Variants in TASP1 observed in about 807,000 individuals in gnomAD.
The protein encoded by TASP1 is threonine aspartase 1.
Under a neutral mutation model 56.6 loss-of-function variants are expected in TASP1, and 16 were observed. The observed-to-expected ratio is 0.28, with a 90% CI of 0.19 to 0.43. The LOEUF (loss-of-function observed/expected upper bound fraction) is 0.43, where lower values mean the gene tolerates loss of function less well. TASP1 is among the 20% of genes least tolerant of loss of function. The pLI is 1.00. For missense variants in TASP1, 393 were observed against 511.6 expected (o/e 0.77, Z 2.24); for synonymous variants, 179 against 184.2 (o/e 0.97, Z 0.23).
the TASP1 span, among the ~76,000 whole-genome samples, chr20:13,226,891 G>T: frequency 6.6e-6 from 1 of 152,158 alleles, no homozygotes; most frequent in Admixed American, 6.5e-5. Context: ...CTTGATGGGA[G>T]GAGCAGCAAA....
the TASP1 span, among the ~76,000 whole-genome samples, chr20:13,183,028 C>T: frequency 6.6e-6 from 1 of 152,198 alleles, no homozygotes; most frequent in Non-Finnish European, 1.5e-5. Context: ...GTTTATTTCT[C>T]CATCCTTTGA....
chr20:13,270,847 C>A, the TASP1 span: 17 of 1,057,460 alleles, frequency 1.6e-5, no homozygotes, highest in Non-Finnish European at 2.2e-5. Flanking sequence ...TTCTTCTTAA[C>A]CCCTTAATGA....
the TASP1 span, among the ~76,000 whole-genome samples, chr20:13,261,488 C>A: frequency 6.6e-6 from 1 of 151,578 alleles, no homozygotes; most frequent in African/African-American, 2.4e-5. Flanking sequence ...AGGCGTGGAT[C>A]TTTAGAGAAA....
chr20:13,234,519 G>A, the TASP1 span, among the ~76,000 whole-genome samples: 1 of 152,152 alleles, frequency 6.6e-6, no homozygotes, highest in Non-Finnish European at 1.5e-5. Flanking sequence ...GGTACTTTGA[G>A]AAATCTCCAT....
the TASP1 span, among the ~76,000 whole-genome samples, chr20:13,223,704 A>C: frequency 1.7e-4 from 26 of 152,212 alleles, no homozygotes; most frequent in African/African-American, 6.0e-4. Context: ...TGACAGACTG[A>C]GGGAATTTCT....
chr20:13,217,323 C>G, the TASP1 span, among the ~76,000 whole-genome samples: 1 of 152,118 alleles, frequency 6.6e-6, no homozygotes, highest in Admixed American at 6.5e-5. Context: ...ATATTATTCT[C>G]TTTACTTTTG....
the TASP1 span, among the ~76,000 whole-genome samples, chr20:13,291,898 G>A: frequency 6.6e-6 from 1 of 152,190 alleles, no homozygotes; most frequent in Non-Finnish European, 1.5e-5. Flanking sequence ...ACTCTAGGAG[G>A]TAGGGCAATT....
At chr20:13,557,240 A>G (rs1042725442) in intron 8 of TASP1, among the ~76,000 whole-genome samples, 3 of 152,230 alleles carry the variant, frequency 2.0e-5, no homozygotes, top group African/African-American at 7.2e-5. Flanking sequence ...TAAACAAATT[A>G]ATGTGTATTT....
chr20:13,415,675 G>A (rs945768809), intron 13 of TASP1, among the ~76,000 whole-genome samples: 4 of 151,158 alleles, frequency 2.6e-5, no homozygotes, highest in South Asian at 2.1e-4. Context: ...AAATATCTTC[G>A]GGCTCATAGC....
the TASP1 span, among the ~76,000 whole-genome samples, chr20:13,226,063 T>C: frequency 6.6e-6 from 1 of 152,220 alleles, no homozygotes; most frequent in Non-Finnish European, 1.5e-5. Flanking sequence ...TCAGAACTCA[T>C]TAAGGCAGTG....
At chr20:13,146,715 A>ATTCT in the TASP1 span, among the ~76,000 whole-genome samples, 2 of 152,142 alleles carry the variant, frequency 1.3e-5, no homozygotes, top group Non-Finnish European at 1.5e-5. Context: ...CAGTGTCAGA[A>ATTCT]ATTTTTCATC....
chr20:13,116,202 C>T, the TASP1 span, among the ~76,000 whole-genome samples: 5 of 152,114 alleles, frequency 3.3e-5, no homozygotes, highest in Non-Finnish European at 5.9e-5. Context: ...CTGAATCGAC[C>T]TAACACTTAA....
chr20:13,120,703 C>T, the TASP1 span, among the ~76,000 whole-genome samples: 6 of 152,172 alleles, frequency 3.9e-5, no homozygotes, highest in African/African-American at 9.7e-5. Context: ...TTTAGTATGA[C>T]GATACTACTA....
the TASP1 span, chr20:13,239,582 G>A: frequency 6.6e-6 from 1 of 152,282 alleles, no homozygotes; most frequent in South Asian, 2.1e-4. Flanking sequence ...CACATGACAG[G>A]TACTCACATA....
At chr20:13,330,948 C>A in the TASP1 span, among the ~76,000 whole-genome samples, 4 of 152,022 alleles carry the variant, frequency 2.6e-5, no homozygotes, top group Admixed American at 6.5e-5. Flanking sequence ...TCTCAAAGAA[C>A]CAGCTTTTGG....
At chr20:13,180,496 C>T in the TASP1 span, among the ~76,000 whole-genome samples, 1 of 152,158 alleles carries the variant, frequency 6.6e-6, no homozygotes, top group Non-Finnish European at 1.5e-5. Flanking sequence ...TTCTGCTTTC[C>T]CTTCCCTTCA....
intron 10 of TASP1, among the ~76,000 whole-genome samples, chr20:13,500,581 T>G (rs1601017942): frequency 6.6e-6 from 1 of 151,578 alleles, no homozygotes; most frequent in Non-Finnish European, 1.5e-5. Flanking sequence ...GAAAACCTAT[T>G]AAAATAAATC....
At chr20:13,436,903 C>G (rs987671922) in intron 11 of TASP1, among the ~76,000 whole-genome samples, 4 of 152,066 alleles carry the variant, frequency 2.6e-5, no homozygotes, top group East Asian at 1.9e-4. Flanking sequence ...ATAGTTAATA[C>G]CAAACAGTTG....
chr20:13,538,515 A>C (rs897263354), intron 8 of TASP1, among the ~76,000 whole-genome samples: 3 of 152,246 alleles, frequency 2.0e-5, no homozygotes, highest in Non-Finnish European at 4.4e-5. Context: ...GTCAGGTTTG[A>C]GAGCAGCATT....
Sources: gnomAD v4.1 joint callset for allele counts (sites outside exome capture counted in the v4.1 genomes callset) on GRCh38, gnomAD v4.1.1 for gene constraint, MANE v1.5 for transcripts, NCBI Gene and HGNC (gene_info 2026-07-23, HGNC 2026-07-21) for gene names.